The following PCDHGB2 variants were observed in gnomAD, a reference collection of about 807,000 sequenced individuals.
The protein encoded by PCDHGB2 is protocadherin gamma subfamily B, 2.
A neutral mutation model predicts 59.3 loss-of-function variants in PCDHGB2; 55 were observed. The ratio of observed to expected loss-of-function variants is 0.93; its 90% CI spans 0.75 to 1.16. PCDHGB2 has a LOEUF of 1.16. Ranked by LOEUF, PCDHGB2 falls within the 50% of genes most tolerant of loss-of-function variation. The pLI, the probability that PCDHGB2 is intolerant of heterozygous loss-of-function variation, is 0.00. For missense variants in PCDHGB2, 1,228 were observed against 1,198.5 expected, an observed-to-expected ratio of 1.02 and a Z score of -0.36; for synonymous variants, 516 against 512.0, an observed-to-expected ratio of 1.01 and a Z score of -0.11.
At chr5:141,382,916 G>A (rs1778572994) in intron 1 of PCDHGB2, 12 of 1,554,424 alleles carry the variant, frequency 7.7e-6, no homozygotes, top group Non-Finnish European at 9.6e-6. Flanking sequence ...GCTCAGCCGA[G>A]GGGCGGGGAC....
intron 1 of PCDHGB2, chr5:141,427,965 C>T: frequency 6.3e-7 from 1 of 1,590,342 alleles, no homozygotes; most frequent in Non-Finnish European, 8.6e-7. Flanking sequence ...GCCGCGGGTG[C>T]TGTACCCCGC....
chr5:141,498,531 G>A (rs1384404653), intron 2 of PCDHGB2, among the ~76,000 whole-genome samples: 3 of 148,544 alleles, frequency 2.0e-5, no homozygotes, highest in Non-Finnish European at 4.4e-5. Context: ...CTGCCCTCCA[G>A]CCTGGTCTGG....
At chr5:141,365,089 G>A in intron 1 of PCDHGB2, 2 of 1,613,840 alleles carry the variant, frequency 1.2e-6, no homozygotes, top group South Asian at 2.2e-5. Flanking sequence ...GTGTTCCAGA[G>A]AACATACCTG....
At chr5:141,370,566 G>A (rs1435194391) in intron 1 of PCDHGB2, 3 of 1,613,936 alleles carry the variant, frequency 1.9e-6, no homozygotes, top group Non-Finnish European at 2.5e-6. Flanking sequence ...GGGGTTTGGC[G>A]TGGGGGATTT....
At chr5:141,461,051 A>G (rs1238514064) in intron 1 of PCDHGB2, among the ~76,000 whole-genome samples, 1 of 151,734 alleles carries the variant, frequency 6.6e-6, no homozygotes, top group East Asian at 1.9e-4. Flanking sequence ...ATGGGGACTT[A>G]GGTTGGTTTC....
At position 141,487,030 on chromosome 5, in the gene PCDHGB2, T is replaced by C. The variant is rs773121109; in HGVS notation, c.2422-7777T>C. Reference sequence around the variant, plus strand: ...TGGAGGCCCCAGATCCCAGCCTGTTTGCAGTCTCTCGATATGCTGGGGAGG... The same window carrying C: ...TGGAGGCCCCAGATCCCAGCCTGTTCGCAGTCTCTCGATATGCTGGGGAGG... On this transcript the variant is annotated intron_variant, in intron 1 of 3. Coordinates refer to ENST00000522605, the MANE Select transcript of PCDHGB2 (RefSeq NM_018923.3). The surrounding 1 kb of genome is among the most constrained non-coding windows in gnomAD (Gnocchi z 5.0). 12 of 1,614,100 alleles carry C rather than the reference T, an allele frequency of 7.4e-6. No homozygotes were observed. Among genetic ancestry groups the C allele is most frequent in the Non-Finnish European group, 1.0e-5 (12 of 1,180,044 alleles).
intron 2 of PCDHGB2, among the ~76,000 whole-genome samples, chr5:141,501,290 T>TACAC (rs55762287): frequency 0.051 from 6,975 of 136,060 alleles, 192 homozygotes; most frequent in African/African-American, 0.071. Context: ...TATTCCCTTA[T>TACAC]ACACACACAC....
chr5:141,489,225 A>G lies in PCDHGB2; in HGVS notation c.2422-5582A>G. 3 of 1,518,230 alleles carry G rather than the reference A, an allele frequency of 2.0e-6. No individual in the cohort carries two copies. Among genetic ancestry groups the G allele is most frequent in the East Asian group, 2.3e-5 (1 of 44,234 alleles). 94.0% of individuals were successfully genotyped at this position (1,518,230 alleles called of 1,614,324 possible). On this transcript the variant is annotated intron_variant, in intron 1 of 3. Coordinates refer to ENST00000522605, the MANE Select transcript of PCDHGB2 (RefSeq NM_018923.3). The surrounding 1 kb of genome is among the most constrained non-coding windows in gnomAD (Gnocchi z 4.5). ...GGACAGCACAGACTTACTCTCCACA[A>G]AGGGACTTCTGGGTCATGGGGCCCA...
intron 1 of PCDHGB2, among the ~76,000 whole-genome samples, chr5:141,434,748 C>T (rs932613622): frequency 2.0e-5 from 3 of 151,818 alleles, no homozygotes; most frequent in African/African-American, 7.3e-5. Flanking sequence ...CTATGAGACC[C>T]CTGATTCCCC....
intron 1 of PCDHGB2, among the ~76,000 whole-genome samples, chr5:141,466,570 T>C (rs967163331): frequency 6.6e-6 from 1 of 152,202 alleles, no homozygotes; most frequent in East Asian, 1.9e-4. Flanking sequence ...TCTTCAACAT[T>C]GTCTCATCCC....
At chr5:141,395,131 C>T in intron 1 of PCDHGB2, 1 of 1,614,202 alleles carries the variant, frequency 6.2e-7, no homozygotes, top group Non-Finnish European at 8.5e-7. Flanking sequence ...TTTCCCCAGC[C>T]CAACTACGCA....
In PCDHGB2 at chr5:141,366,650, A is replaced by G. The variant is rs879057621; in HGVS notation, c.2421+4094A>G. 6.2e-7 allele frequency: 1 copy of G among 1,614,262 alleles called. No homozygotes were observed. Among genetic ancestry groups the G allele is most frequent in the South Asian group, 1.1e-5 (1 of 91,092 alleles). The stretch of plus-strand genomic sequence containing the variant: ...GAGTCACCTGATCTTTCCCCAGCCC[A>G]ACTACGCAGACACGCTCCTTAGTGA... On this transcript the variant is annotated intron_variant, in intron 1 of 3. Transcript: ENST00000522605.
intron 1 of PCDHGB2, chr5:141,422,432 A>T: frequency 6.2e-7 from 1 of 1,609,448 alleles, no homozygotes; most frequent in South Asian, 1.1e-5. Context: ...TATGGAAATT[A>T]TTACAAATTG....
chr5:141,433,634 G>T (rs2097636752), intron 1 of PCDHGB2, among the ~76,000 whole-genome samples: 1 of 152,078 alleles, frequency 6.6e-6, no homozygotes, highest in Admixed American at 6.5e-5. Flanking sequence ...TTGGGAGTTT[G>T]AGACCAGCCT....
Position 141,412,905 on chromosome 5 carries a change from A to G in PCDHGB2, c.2421+50349A>G, listed in dbSNP as rs145108034. The stretch of plus-strand genomic sequence containing the variant: ...AACAGAATAGTTTACTTTCCATTGC[A>G]TGTATCACTTGGGTGCAGTAACTTC... On this transcript the variant is annotated intron_variant, in intron 1 of 3. Coordinates refer to ENST00000522605, the MANE Select transcript of PCDHGB2 (RefSeq NM_018923.3). 1.3e-3 allele frequency: 513 copies of G among 382,556 alleles called. 6 individuals are homozygous for G. The East Asian group carries it at 0.015, about 11-fold the overall frequency. 23.7% of individuals were successfully genotyped at this position (382,556 alleles called of 1,614,324 possible).
Position 141,362,251 on chromosome 5 carries a change from G to T in PCDHGB2, c.2116G>T (p.Ala706Ser). ...LALISVLFFL[A>S]VILAISLRLR... The stretch of plus-strand genomic sequence containing the variant: ...CTTGATCTCAGTGCTCTTCTTCCTC[G>T]CGGTGATTCTGGCAATCTCCCTGCG... Residue 706 changes from alanine to serine, a missense_variant, in exon 1 of 4, where the codon GCG (alanine) becomes TCG (serine). Around this residue, in one of 3 missense-constraint regions of PCDHGB2, gnomAD observed 433 missense variants for 441.8 expected, o/e 0.98. Transcript: ENST00000522605. 6.2e-7 allele frequency: 1 copy of T among 1,613,980 alleles called. No individual in the cohort carries two copies. The highest frequency in any genetic ancestry group is 8.5e-7 in the Non-Finnish European group (1 of 1,179,900).
At position 141,361,783 on chromosome 5, in the gene PCDHGB2, G is replaced by T. The variant is rs375966726; in HGVS notation, c.1648G>T (p.Val550Leu). ...GCTCAGCGCCAACGTGAGCCTGCGCGTGTTAGTGGGCGACCTCAATGACAA... is the reference window on the plus strand; with the variant it reads ...GCTCAGCGCCAACGTGAGCCTGCGCTTGTTAGTGGGCGACCTCAATGACAA... ...PALSANVSLR[V>L]LVGDLNDNAP... The change falls in exon 1 of 4, where the codon GTG (valine) becomes TTG (leucine). Residue 550 changes from valine to leucine, a missense_variant. Val to Leu is a conservative substitution (Grantham distance 32). Around this residue, in one of 3 missense-constraint regions of PCDHGB2, gnomAD observed 781 missense variants for 721.6 expected, o/e 1.08. Transcript: ENST00000522605. 2 of 1,613,244 alleles carry T rather than the reference G, an allele frequency of 1.2e-6. No homozygotes were observed. The highest frequency in any genetic ancestry group is 1.7e-6 in the Non-Finnish European group (2 of 1,179,748).
chr5:141,374,292 G>A (rs1268827954), intron 1 of PCDHGB2: 4 of 1,613,966 alleles, frequency 2.5e-6, no homozygotes, highest in Non-Finnish European at 2.5e-6. Context: ...GTCTCCAGAG[G>A]TAGGATGCAG....
intron 1 of PCDHGB2, chr5:141,415,721 G>A (rs1201366552): frequency 3.0e-6 from 2 of 675,878 alleles, no homozygotes; most frequent in Admixed American, 7.4e-5. Context: ...CTGATGAGTA[G>A]AATTTGATGT....
Sources: gnomAD v4.1 joint callset for allele counts (sites outside exome capture counted in the v4.1 genomes callset) on GRCh38, gnomAD v4.1.1 for gene constraint, gnomAD v4.1.1 regional missense constraint, Gnocchi (gnomAD v3.1) non-coding constraint, MANE v1.5 for transcripts, NCBI Gene and HGNC (gene_info 2026-07-23, HGNC 2026-07-21) for gene names.